TMTC2: variants seen among roughly 807,000 people sequenced by gnomAD.
TMTC2 encodes transmembrane O-mannosyltransferase targeting cadherins 2.
In TMTC2, 43 loss-of-function variants were observed where a neutral mutation model predicts 82.4. That is an observed-to-expected ratio of 0.52 (90% CI 0.41 to 0.67). The LOEUF is 0.67. Ranked by LOEUF, TMTC2 falls within the 30% of genes least tolerant of loss-of-function variation. TMTC2 has a pLI of 0.00. For synonymous variants in TMTC2, 408 were observed against 381.9 expected, an observed-to-expected ratio of 1.07 and a Z score of -0.80; for missense variants, 919 against 1,012.4, an observed-to-expected ratio of 0.91 and a Z score of 1.25.
At chr12:82,804,975 G>A (rs1349698026) in intron 1 of TMTC2, among the ~76,000 whole-genome samples, 1 of 152,048 alleles carries the variant, frequency 6.6e-6, no homozygotes, top group Non-Finnish European at 1.5e-5. Context: ...TATAGAAAGG[G>A]TACACTCTCT....
intron 4 of TMTC2, among the ~76,000 whole-genome samples, chr12:82,958,717 C>T (rs1877754689): frequency 6.6e-6 from 1 of 152,008 alleles, no homozygotes; most frequent in African/African-American, 2.4e-5. Context: ...ACACCCACAG[C>T]CAACATCATA....
intron 7 of TMTC2, among the ~76,000 whole-genome samples, chr12:82,971,038 G>A (rs1878425422): frequency 6.6e-6 from 1 of 152,058 alleles, no homozygotes; most frequent in African/African-American, 2.4e-5. Flanking sequence ...TTGGATCTCA[G>A]TTTCTCTTCT....
chr12:82,791,172 A>G (rs1878453357), intron 1 of TMTC2, among the ~76,000 whole-genome samples: 1 of 152,086 alleles, frequency 6.6e-6, no homozygotes, highest in African/African-American at 2.4e-5. Flanking sequence ...TTCCCATACT[A>G]TGTAATTCCA....
chr12:82,723,502 G>C lies in TMTC2; in HGVS notation c.83+35833G>C, dbSNP rs1349386414. On this transcript the variant is annotated intron_variant, in intron 1 of 11. Transcript: ENST00000321196. ...TTCGCACATACATCATGAGGTACTG[G>C]GGATGGGACCTATGTCTAAACATGA... is the stretch of plus-strand genomic sequence containing the variant. Among the ~76,000 whole-genome samples, 4 of 152,080 alleles carry C rather than the reference G, an allele frequency of 2.6e-5. No homozygotes were observed. In the East Asian group the frequency reaches 7.7e-4, roughly 29 times the overall value.
chr12:82,885,022 T>C (rs896796957), intron 2 of TMTC2, among the ~76,000 whole-genome samples: 1 of 151,778 alleles, frequency 6.6e-6, no homozygotes, highest in African/African-American at 2.4e-5. Context: ...GCCTCTCTTG[T>C]AGCTGGGACT....
chr12:83,097,775 A>G lies in TMTC2; in HGVS notation c.2332-34435A>G, dbSNP rs1884081120. Among the ~76,000 whole-genome samples, 6 of 152,228 alleles carry G rather than the reference A, an allele frequency of 3.9e-5. No individual in the cohort carries two copies. The South Asian group carries it at 1.2e-3, about 31-fold the overall frequency. ...TGACGAGATTTAATCTGGAACAGGA[A>G]AAGATTCAGCCATGCAAATATATGC... On this transcript the variant is annotated intron_variant, in intron 11 of 11. Transcript: ENST00000321196.
chr12:83,062,414 T>C (rs563005840), intron 11 of TMTC2, among the ~76,000 whole-genome samples: 1 of 151,872 alleles, frequency 6.6e-6, no homozygotes, highest in South Asian at 2.1e-4. Flanking sequence ...AGAACTGGTT[T>C]TGCCTCGGTC....
intron 7 of TMTC2, among the ~76,000 whole-genome samples, chr12:82,977,763 T>C (rs2137323354): frequency 6.6e-6 from 1 of 151,926 alleles, no homozygotes; most frequent in South Asian, 2.1e-4. Context: ...TAATAAGAGT[T>C]GTGTTTTAAA....
chr12:82,954,809 C>T (rs1465322216), intron 4 of TMTC2, among the ~76,000 whole-genome samples: 2 of 152,116 alleles, frequency 1.3e-5, no homozygotes. Flanking sequence ...GGCAGTCTTA[C>T]TACAAAGAGA....
intron 10 of TMTC2, among the ~76,000 whole-genome samples, chr12:83,054,322 A>G (rs1882457340): frequency 6.6e-6 from 1 of 152,112 alleles, no homozygotes; most frequent in Non-Finnish European, 1.5e-5. Context: ...AATGTCGGGA[A>G]AAGATTACTA....
intron 2 of TMTC2, among the ~76,000 whole-genome samples, chr12:82,872,395 A>C (rs1381140441): frequency 6.6e-6 from 1 of 152,174 alleles, no homozygotes; most frequent in Non-Finnish European, 1.5e-5. Flanking sequence ...CCTACTCTAC[A>C]TGGTGTTTCT....
At chr12:83,004,177 G>A (rs897936497) in intron 8 of TMTC2, among the ~76,000 whole-genome samples, 30 of 152,114 alleles carry the variant, frequency 2.0e-4, no homozygotes, top group African/African-American at 7.2e-5. Context: ...GCCTCCAACC[G>A]TATTATGACA....
intron 11 of TMTC2, among the ~76,000 whole-genome samples, chr12:83,075,602 T>C (rs755888459): frequency 1.8e-4 from 28 of 152,212 alleles, no homozygotes; most frequent in Admixed American, 4.6e-4. Flanking sequence ...AATTAGCTCC[T>C]CAAATACATA....
chr12:82,764,980 G>C (rs12306126), intron 1 of TMTC2, among the ~76,000 whole-genome samples: 2,796 of 147,482 alleles, frequency 0.019, 83 homozygotes, highest in African/African-American at 0.065. Flanking sequence ...TGGGCGGGGG[G>C]GTGACTGCAC....
Position 83,134,097 on chromosome 12 carries a change from G to GT in TMTC2, c.*1714dup, listed in dbSNP as rs1232376307. ...GAGAAGGGTAAATGTAGTGAGAAAG[G>GT]TTTTTTCATGGCATTAATAAGAAAG... is the stretch of plus-strand genomic sequence containing the variant. On this transcript the variant is annotated 3_prime_UTR_variant, in exon 12 of 12. Transcript: ENST00000321196. 4.6e-5 allele frequency: 7 copies of GT among 152,492 alleles called. No individual in the cohort carries two copies. The highest frequency in any genetic ancestry group is 2.0e-4 in the Admixed American group (3 of 15,272). 9.4% of individuals were successfully genotyped at this position (152,492 alleles called of 1,614,324 possible).
intron 1 of TMTC2, among the ~76,000 whole-genome samples, chr12:82,805,282 T>C (rs1276898216): frequency 6.6e-6 from 1 of 152,104 alleles, no homozygotes; most frequent in Non-Finnish European, 1.5e-5. Context: ...CCAGGACAAA[T>C]ATTTAGGCTA....
At chr12:82,781,660 T>G (rs975660698) in intron 1 of TMTC2, among the ~76,000 whole-genome samples, 1 of 151,858 alleles carries the variant, frequency 6.6e-6, no homozygotes, top group Admixed American at 6.6e-5. Context: ...GCCATTTGGT[T>G]TTCTTTTCTT....
In TMTC2 at chr12:82,687,338, G is replaced by A; in HGVS notation, c.-249G>A. On this transcript the variant is annotated 5_prime_UTR_variant, in exon 1 of 12. Transcript: ENST00000321196. The stretch of plus-strand genomic sequence containing the variant: ...GGAGCCCAAACGCCGCTCACCGCTT[G>A]CGGGCGCCGGGCATGGGGAGTGTGG... 1.8e-6 allele frequency: 1 copy of A among 548,922 alleles called. No homozygotes were observed. The highest frequency in any genetic ancestry group is 5.1e-4 in the Middle Eastern group (1 of 1,976). The allele number at this position is 548,922 out of a possible 1,614,324, so 34.0% of individuals were successfully genotyped here. A position where few individuals can be genotyped will look rare whatever the true frequency, so the allele number is the denominator to read the frequency against.
chr12:83,019,013 A>G (rs1280004494), intron 8 of TMTC2, among the ~76,000 whole-genome samples: 1 of 152,158 alleles, frequency 6.6e-6, no homozygotes, highest in African/African-American at 2.4e-5. Flanking sequence ...AAAAGTAGGA[A>G]TCAAGTGTTG....
Sources: gnomAD v4.1 joint callset for allele counts (sites outside exome capture counted in the v4.1 genomes callset) on GRCh38, gnomAD v4.1.1 for gene constraint, MANE v1.5 for transcripts, NCBI Gene and HGNC (gene_info 2026-07-23, HGNC 2026-07-21) for gene names.